The following STK32A variants were observed in gnomAD, a reference collection of about 807,000 sequenced individuals.
STK32A encodes serine/threonine-protein kinase 32A.
STK32A carries 41 observed loss-of-function variants against 53.2 expected under a neutral mutation model. That is an observed-to-expected ratio of 0.77 (90% CI 0.60 to 1.00). The LOEUF (loss-of-function observed/expected upper bound fraction) is 1.00, where lower values mean the gene tolerates loss of function less well. STK32A is among the 50% of genes least tolerant of loss of function. The pLI, the probability that STK32A is intolerant of heterozygous loss-of-function variation, is 0.00. For synonymous variants in STK32A, 166 were observed against 162.8 expected, an observed-to-expected ratio of 1.02 and a Z score of -0.15; for missense variants, 458 against 485.8, an observed-to-expected ratio of 0.94 and a Z score of 0.54.
intron 2 of STK32A, among the ~76,000 whole-genome samples, chr5:147,254,939 A>G (rs1192725306): frequency 1.3e-5 from 2 of 152,154 alleles, no homozygotes; most frequent in Admixed American, 6.5e-5. Context: ...GGAGATGCAG[A>G]CCATCCTGGC....
At chr5:147,251,772 G>A (rs1754011866) in intron 2 of STK32A, among the ~76,000 whole-genome samples, 1 of 152,186 alleles carries the variant, frequency 6.6e-6, no homozygotes, top group South Asian at 2.1e-4. Context: ...GAAGTATTGG[G>A]GGGTTCCATC....
At chr5:147,278,802 T>C (rs1440929602) in intron 3 of STK32A, among the ~76,000 whole-genome samples, 1 of 152,212 alleles carries the variant, frequency 6.6e-6, no homozygotes, top group East Asian at 1.9e-4. Context: ...ATGGACATCA[T>C]ATTTAGTGTT....
At chr5:147,350,653 C>A (rs545778614) in intron 6 of STK32A, among the ~76,000 whole-genome samples, 1 of 152,122 alleles carries the variant, frequency 6.6e-6, no homozygotes, top group Non-Finnish European at 1.5e-5. Context: ...CAGGGGTGAG[C>A]CACCACGCCC....
chr5:147,249,137 T>A (rs1313901353), intron 2 of STK32A, among the ~76,000 whole-genome samples: 1 of 149,092 alleles, frequency 6.7e-6, no homozygotes, highest in Non-Finnish European at 1.5e-5. Context: ...ATTAAACCTA[T>A]TAAAATTTAA....
intron 4 of STK32A, among the ~76,000 whole-genome samples, chr5:147,301,939 C>G (rs959102163): frequency 6.6e-6 from 1 of 152,150 alleles, no homozygotes; most frequent in African/African-American, 2.4e-5. Context: ...TATCTTCAAA[C>G]CTCTCTCTGA....
intron 5 of STK32A, among the ~76,000 whole-genome samples, chr5:147,330,877 G>A (rs563973895): frequency 1.4e-4 from 21 of 152,222 alleles, no homozygotes; most frequent in Middle Eastern, 3.4e-3. Context: ...TTTGCAATTC[G>A]GTTGTGGGTC....
In STK32A at chr5:147,385,431, A is replaced by T. The variant is rs1757612248; in HGVS notation, c.*1448A>T. On this transcript the variant is annotated 3_prime_UTR_variant, in exon 13 of 13. Coordinates refer to ENST00000397936, the MANE Select transcript of STK32A (RefSeq NM_001112724.2). The stretch of plus-strand genomic sequence containing the variant: ...TGGGATTACAGGCGTGAGCCACCAA[A>T]CCTGGCCTTAGAATTACTCTTAGAA... 6.6e-6 allele frequency: 1 copy of T among 152,114 alleles called. No homozygotes were observed. Among genetic ancestry groups the T allele is most frequent in the South Asian group, 2.1e-4 (1 of 4,824 alleles). The allele number at this position is 152,114 out of a possible 1,614,324, so 9.4% of individuals were successfully genotyped here. A position where few individuals can be genotyped will look rare whatever the true frequency, so the allele number is the denominator to read the frequency against.
intron 2 of STK32A, among the ~76,000 whole-genome samples, chr5:147,264,457 T>C (rs934532350): frequency 2.0e-5 from 3 of 152,198 alleles, no homozygotes; most frequent in Non-Finnish European, 2.9e-5. Context: ...GAAGGAGATG[T>C]AGAAAAGTCA....
intron 9 of STK32A, among the ~76,000 whole-genome samples, chr5:147,372,194 T>G (rs1465201586): frequency 6.7e-6 from 1 of 148,736 alleles, no homozygotes; most frequent in Admixed American, 6.8e-5. Flanking sequence ...AGAACAGTTA[T>G]AGCGGGAGGT....
intron 5 of STK32A, among the ~76,000 whole-genome samples, chr5:147,340,096 G>C (rs1195910739): frequency 6.6e-6 from 1 of 152,192 alleles, no homozygotes; most frequent in African/African-American, 2.4e-5. Context: ...GTGTCTTTTA[G>C]CATGCTCATG....
At position 147,343,003 on chromosome 5, in the gene STK32A, T is replaced by C; in HGVS notation, c.435-3T>C. 6.2e-7 allele frequency: 1 copy of C among 1,613,384 alleles called. No homozygotes were observed. The highest frequency in any genetic ancestry group is 8.5e-7 in the Non-Finnish European group (1 of 1,179,692). On this transcript the variant is annotated splice_polypyrimidine_tract_variant and splice_region_variant and intron_variant, in intron 5 of 12. Transcript: ENST00000397936. Reference sequence around the variant, plus strand: ...ACTTTCTTTTTTCTTTTTACTCCTCTAGGGATATGAAGCCTGACAATATTT... The same window carrying C: ...ACTTTCTTTTTTCTTTTTACTCCTCCAGGGATATGAAGCCTGACAATATTT...
chr5:147,367,532 G>T (rs966733068), intron 8 of STK32A, among the ~76,000 whole-genome samples: 2 of 152,042 alleles, frequency 1.3e-5, no homozygotes, highest in African/African-American at 4.8e-5. Context: ...GAGTGGGGCC[G>T]TTTTATAAGA....
chr5:147,238,647 A>G (rs1322441499), intron 1 of STK32A, among the ~76,000 whole-genome samples: 2 of 152,188 alleles, frequency 1.3e-5, no homozygotes, highest in Non-Finnish European at 2.9e-5. Context: ...TGCATATCAT[A>G]CATTTATGTA....
intron 2 of STK32A, among the ~76,000 whole-genome samples, chr5:147,272,319 C>G (rs1755076542): frequency 6.6e-6 from 1 of 152,158 alleles, no homozygotes; most frequent in African/African-American, 2.4e-5. Context: ...TCTGGTCATC[C>G]ACCCGCCTCA....
intron 11 of STK32A, among the ~76,000 whole-genome samples, chr5:147,377,293 T>G (rs1757269607): frequency 6.6e-6 from 1 of 152,120 alleles, no homozygotes. Context: ...ATTATTTCAG[T>G]CTTTTTAAAT....
downstream of STK32A, among the ~76,000 whole-genome samples, chr5:147,390,294 G>C (rs1486312953): frequency 6.6e-6 from 1 of 152,098 alleles, no homozygotes; most frequent in Non-Finnish European, 1.5e-5. Context: ...GTACCTGAAA[G>C]CTCTAAGAAG....
chr5:147,269,824 AGAG>A (rs1347372403), intron 2 of STK32A, among the ~76,000 whole-genome samples: 3 of 152,214 alleles, frequency 2.0e-5, no homozygotes, highest in Non-Finnish European at 4.4e-5. Context: ...ACCTACTTTA[AGAG>A]GAGATTCTTG....
intron 2 of STK32A, among the ~76,000 whole-genome samples, chr5:147,261,608 A>C (rs1278023788): frequency 6.6e-6 from 1 of 152,146 alleles, no homozygotes; most frequent in African/African-American, 2.4e-5. Flanking sequence ...TAAAAGTAGA[A>C]GGCAAAGAAT....
chr5:147,348,952 C>T, intron 6 of STK32A: 1 of 482,332 alleles, frequency 2.1e-6, no homozygotes. Flanking sequence ...GGTAACACAG[C>T]TAGTTAGTGG....
Sources: allele counts gnomAD v4.1 joint callset (sites outside exome capture counted in the v4.1 genomes callset), GRCh38; gene constraint gnomAD v4.1.1; transcripts MANE v1.5; gene names NCBI Gene and HGNC (gene_info 2026-07-23, HGNC 2026-07-21).